Variants in GALNS observed in about 807,000 individuals in gnomAD.
GALNS encodes galactosamine (N-acetyl)-6-sulfatase, also known as N-acetylgalactosamine-6-sulfatase.
Under a neutral mutation model 65.9 loss-of-function variants are expected in GALNS, and 65 were observed. The ratio of observed to expected loss-of-function variants is 0.99; its 90% CI spans 0.81 to 1.21. The LOEUF (loss-of-function observed/expected upper bound fraction) is 1.21. Ranked by LOEUF, GALNS falls within the 50% of genes most tolerant of loss-of-function variation. The probability of loss-of-function intolerance (pLI) is 0.00; values close to 1 mark genes in which losing one functional copy is unlikely to be tolerated. For synonymous variants in GALNS, 346 were observed against 288.9 expected (o/e 1.20, Z -2.00); for missense variants, 776 against 700.7 (o/e 1.11, Z -1.21).
At chr16:88,819,280 TTCA>T (rs1208511304) in intron 12 of GALNS, among the ~76,000 whole-genome samples, 1 of 148,402 alleles carries the variant, frequency 6.7e-6, no homozygotes, top group African/African-American at 2.5e-5. Context: ...GAGGGCGACC[TTCA>T]GGAGAGCTGG....
intron 1 of GALNS, among the ~76,000 whole-genome samples, chr16:88,854,413 C>T (rs897029210): frequency 2.0e-5 from 3 of 152,232 alleles, no homozygotes; most frequent in Non-Finnish European, 4.4e-5. Context: ...CTGTGGCTCT[C>T]ACCTGCCAGC....
At chr16:88,814,934 A>C (rs771684289) in intron 13 of GALNS, 13 of 647,062 alleles carry the variant, frequency 2.0e-5, no homozygotes, top group Middle Eastern at 7.6e-4. Context: ...GGGTTCCCCA[A>C]GTTGGCCAGG....
intron 8 of GALNS, among the ~76,000 whole-genome samples, chr16:88,834,560 G>A (rs1259684748): frequency 2.2e-5 from 3 of 133,746 alleles, no homozygotes; most frequent in African/African-American, 8.2e-5. Context: ...GGAAGAGGCT[G>A]CAGGGCCCCC....
chr16:88,821,807 G>A (rs1310683126), intron 12 of GALNS, among the ~76,000 whole-genome samples: 1 of 152,168 alleles, frequency 6.6e-6, no homozygotes, highest in African/African-American at 2.4e-5. Flanking sequence ...GCCTCTGCAC[G>A]CCACTCCCCT....
chr16:88,821,668 C>T (rs1223695892), intron 12 of GALNS, among the ~76,000 whole-genome samples: 1 of 152,168 alleles, frequency 6.6e-6, no homozygotes, highest in Non-Finnish European at 1.5e-5. Flanking sequence ...GGCACCTTGG[C>T]GGTGGTGCTG....
chr16:88,841,992 CAG>C, intron 2 of GALNS, 21 bp from the exon 3 acceptor site: 1 of 1,604,200 alleles, frequency 6.2e-7, no homozygotes. Flanking sequence ...GTGACAGAAA[CAG>C]AAACTGGATA....
rs2142988290 is a variant in GALNS, at chr16:88,819,698, A to G, written c.1365-1574T>C. 1.3e-5 allele frequency among the ~76,000 whole-genome samples: 2 copies of G among 151,168 alleles called. 1 individual carries two copies. Among genetic ancestry groups the G allele is most frequent in the South Asian group, 4.2e-4 (2 of 4,746 alleles). ...TAGATCACTGTGCCTGGCTAATTTT[A>G]ATTATTATTTTTTGAGAGAGAGTCT... On this transcript the variant is annotated intron_variant, in intron 12 of 13. Coordinates refer to ENST00000268695, the MANE Select transcript of GALNS (RefSeq NM_000512.5).
chr16:88,820,443 TAG>T (rs762266679), intron 12 of GALNS, among the ~76,000 whole-genome samples: 14 of 152,212 alleles, frequency 9.2e-5, no homozygotes, highest in Non-Finnish European at 1.9e-4. Context: ...GTCTTTAATT[TAG>T]AGAGGCTCCT....
intron 13 of GALNS, 26 bp downstream of exon 13, chr16:88,817,980 AC>A: frequency 6.5e-7 from 1 of 1,536,648 alleles, no homozygotes; most frequent in South Asian, 1.2e-5. Context: ...CGGCAAAGAG[AC>A]GGCCGCCCAC....
At chr16:88,841,125 G>A (rs745718704) in intron 3 of GALNS, 31 bp from the exon 4 acceptor site, 5 of 1,569,204 alleles carry the variant, frequency 3.2e-6, no homozygotes, top group Non-Finnish European at 4.4e-6. Flanking sequence ...GAGCCCCGAG[G>A]AGACCCCGAG....
At chr16:88,840,355 C>G (rs1966906340) in intron 4 of GALNS, 1 of 154,456 alleles carries the variant, frequency 6.5e-6, no homozygotes, top group Non-Finnish European at 1.4e-5. Flanking sequence ...GCGGACCTGA[C>G]AGGCGGGGAA....
chr16:88,821,710 C>T (rs904152851), intron 12 of GALNS, among the ~76,000 whole-genome samples: 8 of 152,190 alleles, frequency 5.3e-5, no homozygotes, highest in Non-Finnish European at 1.0e-4. Flanking sequence ...TCTCTGCTGC[C>T]TCCCACCGGC....
chr16:88,828,472 C>T (rs1251951222), intron 9 of GALNS, among the ~76,000 whole-genome samples: 1 of 152,230 alleles, frequency 6.6e-6, no homozygotes, highest in Non-Finnish European at 1.5e-5. Context: ...ACTAAAGCCT[C>T]CCCTGCCCAG....
intron 1 of GALNS, 177 bp downstream of exon 1, chr16:88,856,581 A>G: frequency 2.0e-6 from 1 of 490,614 alleles, no homozygotes; most frequent in Non-Finnish European, 3.9e-6. Flanking sequence ...GCACGGGGAT[A>G]CCCCCCGTCC....
chr16:88,822,857 G>T, intron 11 of GALNS, 147 bp from the exon 12 acceptor site: 1 of 1,278,992 alleles, frequency 7.8e-7, no homozygotes, highest in Non-Finnish European at 1.1e-6. Flanking sequence ...GGGGCCGTGG[G>T]GGGGTCTCGT....
chr16:88,839,631 A>T (rs2067935241), intron 4 of GALNS, among the ~76,000 whole-genome samples: 1 of 152,274 alleles, frequency 6.6e-6, no homozygotes, highest in African/African-American at 2.4e-5. Context: ...CCCTGCTGGG[A>T]TAGGGACCCC....
intron 12 of GALNS, among the ~76,000 whole-genome samples, chr16:88,821,983 T>G (rs1910269466): frequency 6.6e-6 from 1 of 151,124 alleles, no homozygotes; most frequent in Non-Finnish European, 1.5e-5. Flanking sequence ...CCCAGGGAGA[T>G]GGGTTCGGAC....
rs769360669 is a variant in GALNS, at chr16:88,822,646, G to A, written c.1307C>T (p.Thr436Met). The change falls in exon 12 of 14, where the codon ACG becomes ATG. Residue 436 changes from threonine (T) to methionine (M), a missense_variant. Coordinates refer to ENST00000268695, the MANE Select transcript of GALNS (RefSeq NM_000512.5). Reference protein sequence around the residue: ...GVTTHNLEDHTKLPLIFHLGR... With the variant: ...GVTTHNLEDHMKLPLIFHLGR... ...CAGGTGGAAGATCAGGGGCAGCTTC[G>A]TGTGGTCTTCCAGATTGTGAGTTGT... 10 of 1,613,086 alleles carry A rather than the reference G, an allele frequency of 6.2e-6. No individual in the cohort carries two copies. Among genetic ancestry groups the A allele is most frequent in the Admixed American group, 3.3e-5 (2 of 59,990 alleles).
chr16:88,855,567 G>C, intron 1 of GALNS: 1 of 691,524 alleles, frequency 1.4e-6, no homozygotes, highest in Non-Finnish European at 2.6e-6. Context: ...AGCTGCCCAG[G>C]ACTGTCGGCT....
Sources: allele counts gnomAD v4.1 joint callset (sites outside exome capture counted in the v4.1 genomes callset), GRCh38; gene constraint gnomAD v4.1.1; transcripts MANE v1.5; gene names NCBI Gene and HGNC (gene_info 2026-07-23, HGNC 2026-07-21).